The following LY86 variants were observed in gnomAD, a reference collection of about 807,000 sequenced individuals.
The protein encoded by LY86 is lymphocyte antigen 86, also known as MD-1, RP105-associated.
Under a neutral mutation model 17.3 loss-of-function variants are expected in LY86, and 20 were observed. The ratio of observed to expected loss-of-function variants is 1.15; its 90% CI spans 0.81 to 1.68. The LOEUF (loss-of-function observed/expected upper bound fraction) is 1.68. Ranked by LOEUF, LY86 falls within the 40% of genes most tolerant of loss-of-function variation. The pLI is 0.00. For synonymous variants in LY86, 74 were observed against 70.6 expected, an observed-to-expected ratio of 1.05 and a Z score of -0.24; for missense variants, 200 against 191.9, an observed-to-expected ratio of 1.04 and a Z score of -0.25.
intron 1 of LY86, among the ~76,000 whole-genome samples, chr6:6,599,975 C>T (rs1348500227): frequency 6.7e-6 from 1 of 148,788 alleles, no homozygotes; most frequent in Non-Finnish European, 1.5e-5. Flanking sequence ...ACCCACATCC[C>T]CAAAGCACAA....
At chr6:6,649,428 C>T (rs1396366510) in intron 3 of LY86, among the ~76,000 whole-genome samples, 197 bp from the exon 4 acceptor site, 2 of 152,170 alleles carry the variant, frequency 1.3e-5, no homozygotes, top group Non-Finnish European at 2.9e-5. Flanking sequence ...TGGAAGGTGC[C>T]CGACCAATAT....
intron 1 of LY86, among the ~76,000 whole-genome samples, chr6:6,613,383 G>A (rs1214720583): frequency 6.6e-6 from 1 of 152,146 alleles, no homozygotes; most frequent in East Asian, 1.9e-4. Context: ...GGGGGAGTGG[G>A]GAGCGGGAGG....
intron 3 of LY86, among the ~76,000 whole-genome samples, chr6:6,633,908 A>G (rs1048009792): frequency 1.5e-5 from 2 of 131,476 alleles, no homozygotes; most frequent in Middle Eastern, 3.8e-3. Context: ...GTGTGTGTGC[A>G]TGTGTGTATA....
intron 1 of LY86, among the ~76,000 whole-genome samples, chr6:6,590,300 C>T (rs1469817122): frequency 6.6e-6 from 1 of 152,052 alleles, no homozygotes; most frequent in African/African-American, 2.4e-5. Context: ...GAGACAGCTA[C>T]TAAGTGACGG....
intron 1 of LY86, among the ~76,000 whole-genome samples, chr6:6,593,525 G>A (rs758728701): frequency 2.6e-5 from 4 of 152,234 alleles, no homozygotes; most frequent in Non-Finnish European, 5.9e-5. Flanking sequence ...AGGGCTGTGT[G>A]AAGATTATGT....
At chr6:6,602,104 G>C (rs1760928723) in intron 1 of LY86, among the ~76,000 whole-genome samples, 2 of 152,130 alleles carry the variant, frequency 1.3e-5, no homozygotes, top group Admixed American at 1.3e-4. Context: ...AGCACTTCCA[G>C]GAAACATCCT....
chr6:6,598,126 CTAGT>C (rs999496257), intron 1 of LY86, among the ~76,000 whole-genome samples: 5 of 152,226 alleles, frequency 3.3e-5, no homozygotes, highest in African/African-American at 9.6e-5. Context: ...ACTTACACAA[CTAGT>C]AAGTCAAAAC....
At chr6:6,650,004 T>G (rs780144357) in intron 4 of LY86, among the ~76,000 whole-genome samples, 6 of 152,094 alleles carry the variant, frequency 3.9e-5, no homozygotes, top group Non-Finnish European at 8.8e-5. Context: ...ACGGCATTTG[T>G]GGGGTTCCAT....
intron 1 of LY86, among the ~76,000 whole-genome samples, chr6:6,613,616 G>A (rs1436137694): frequency 1.3e-5 from 2 of 152,170 alleles, no homozygotes; most frequent in South Asian, 2.1e-4. Flanking sequence ...CCGGGTTCCC[G>A]CCTGCGCTTC....
At chr6:6,599,468 C>T (rs1760829207) in intron 1 of LY86, among the ~76,000 whole-genome samples, 1 of 152,178 alleles carries the variant, frequency 6.6e-6, no homozygotes, top group African/African-American at 2.4e-5. Context: ...GGGAAGCATG[C>T]CCCAGTGTGG....
rs926475980 is a variant in LY86, at chr6:6,605,376, G to A, written c.136+16506G>A. 2.0e-5 allele frequency among the ~76,000 whole-genome samples: 3 copies of A among 152,228 alleles called. No individual in the cohort carries two copies. In the South Asian group the frequency reaches 6.2e-4, roughly 32 times the overall value. ...GTCAATTCTAGGCTTGGCTGGGGGA[G>A]CAGCTGCTTCCAAACTCATGTGAGT... On this transcript the variant is annotated intron_variant, in intron 1 of 4. Coordinates refer to ENST00000230568, the MANE Select transcript of LY86 (RefSeq NM_004271.4).
At chr6:6,627,017 C>G (rs1054153455) in intron 3 of LY86, among the ~76,000 whole-genome samples, 5 of 151,856 alleles carry the variant, frequency 3.3e-5, no homozygotes, top group African/African-American at 1.2e-4. Flanking sequence ...CCTTCCCCCA[C>G]CTGTCCCCAC....
intron 1 of LY86, among the ~76,000 whole-genome samples, chr6:6,595,050 A>G (rs1322368942): frequency 2.0e-5 from 3 of 152,058 alleles, no homozygotes; most frequent in Non-Finnish European, 2.9e-5. Flanking sequence ...CTTCGGGTAA[A>G]AAAGTGAAAA....
At chr6:6,630,585 A>C (rs7773275) in intron 3 of LY86, among the ~76,000 whole-genome samples, 31,084 of 152,164 alleles carry the variant, frequency 0.2, 3,678 homozygotes, top group African/African-American at 0.34. Flanking sequence ...AATGACCACA[A>C]CTAATTCCTA....
intron 1 of LY86, among the ~76,000 whole-genome samples, chr6:6,609,979 C>G (rs917864583): frequency 4.6e-5 from 7 of 152,074 alleles, no homozygotes; most frequent in African/African-American, 1.7e-4. Context: ...TTTGTAGAAA[C>G]AGGGTCTATG....
intron 1 of LY86, among the ~76,000 whole-genome samples, chr6:6,612,726 G>A (rs893454067): frequency 6.6e-6 from 1 of 152,148 alleles, no homozygotes; most frequent in African/African-American, 2.4e-5. Context: ...TGAGCTAGAT[G>A]CAAAAGTTCT....
chr6:6,605,705 G>C (rs766370702), intron 1 of LY86, among the ~76,000 whole-genome samples: 1 of 151,956 alleles, frequency 6.6e-6, no homozygotes, highest in Admixed American at 6.5e-5. Context: ...GAATGAAGCC[G>C]CGGAACCTCG....
intron 3 of LY86, among the ~76,000 whole-genome samples, chr6:6,643,169 G>A (rs1220219873): frequency 6.6e-6 from 1 of 152,140 alleles, no homozygotes; most frequent in Non-Finnish European, 1.5e-5. Flanking sequence ...AATTTTTTGA[G>A]GAATCTCCAC....
intron 1 of LY86, among the ~76,000 whole-genome samples, chr6:6,613,724 C>CT: frequency 6.6e-6 from 1 of 152,366 alleles, no homozygotes; most frequent in South Asian, 2.1e-4. Flanking sequence ...AAGGGCTCCT[C>CT]AAGCGCGGCC....
Sources: allele counts gnomAD v4.1 joint callset (sites outside exome capture counted in the v4.1 genomes callset), GRCh38; gene constraint gnomAD v4.1.1; transcripts MANE v1.5; gene names NCBI Gene and HGNC (gene_info 2026-07-23, HGNC 2026-07-21).